DLGAP2: variants seen among roughly 807,000 people sequenced by gnomAD.
DLGAP2 encodes disks large-associated protein 2.
DLGAP2 carries 26 observed loss-of-function variants against 100.3 expected under a neutral mutation model. The observed-to-expected ratio is 0.26, with a 90% CI of 0.19 to 0.36. The LOEUF (loss-of-function observed/expected upper bound fraction) is 0.36, where lower values mean the gene tolerates loss of function less well. DLGAP2 is among the 10% of genes least tolerant of loss of function. The pLI, the probability that DLGAP2 is intolerant of heterozygous loss-of-function variation, is 1.00. For missense variants in DLGAP2, 1,858 were observed against 1,453.2 expected, an observed-to-expected ratio of 1.28 and a Z score of -4.53; for synonymous variants, 886 against 630.1, an observed-to-expected ratio of 1.41 and a Z score of -6.08.
At chr8:1,542,334 A>G (rs1801390663) in intron 4 of DLGAP2, among the ~76,000 whole-genome samples, 1 of 152,240 alleles carries the variant, frequency 6.6e-6, no homozygotes, top group South Asian at 2.1e-4. Context: ...ATGTGCAACC[A>G]TCGCTCTAAT....
At chr8:1,638,567 G>C (rs1585021017) in intron 8 of DLGAP2, among the ~76,000 whole-genome samples, 1 of 152,164 alleles carries the variant, frequency 6.6e-6, no homozygotes, top group Admixed American at 6.5e-5. Context: ...GGAGAAGACA[G>C]CTCCTCAAAT....
intron 3 of DLGAP2, among the ~76,000 whole-genome samples, chr8:1,413,910 A>ATT (rs71190734): frequency 2.0e-5 from 3 of 150,442 alleles, no homozygotes; most frequent in African/African-American, 7.3e-5. Context: ...CTTGTTTATC[A>ATT]TTTTTTTTTT....
chr8:1,697,601 T>TG (rs1799434138), intron 14 of DLGAP2, among the ~76,000 whole-genome samples: 1 of 152,226 alleles, frequency 6.6e-6, no homozygotes, highest in African/African-American at 2.4e-5. Context: ...CAAGCAAACC[T>TG]GCAGCCTCAT....
intron 2 of DLGAP2, among the ~76,000 whole-genome samples, chr8:1,231,491 C>G (rs1798534732): frequency 6.6e-6 from 1 of 152,072 alleles, no homozygotes; most frequent in South Asian, 2.1e-4. Flanking sequence ...GCTATGTATC[C>G]AAAAGAAAAC....
intron 3 of DLGAP2, among the ~76,000 whole-genome samples, chr8:1,308,008 T>G (rs1389100724): frequency 6.6e-6 from 1 of 152,090 alleles, no homozygotes; most frequent in Non-Finnish European, 1.5e-5. Flanking sequence ...AAGATGAGTA[T>G]TTTACCACCG....
At chr8:1,634,368 C>A (rs1797720492) in intron 8 of DLGAP2, among the ~76,000 whole-genome samples, 1 of 152,214 alleles carries the variant, frequency 6.6e-6, no homozygotes, top group Non-Finnish European at 1.5e-5. Flanking sequence ...CCCAGCAGGG[C>A]TTTCTGTACG....
At chr8:1,168,361 T>G (rs919410989) in intron 2 of DLGAP2, among the ~76,000 whole-genome samples, 22 of 152,126 alleles carry the variant, frequency 1.4e-4, no homozygotes, top group African/African-American at 4.6e-4. Flanking sequence ...TGTGTCTTTA[T>G]AGCAGCATGA....
chr8:1,456,399 C>T (rs1430154926), intron 3 of DLGAP2, among the ~76,000 whole-genome samples: 2 of 152,160 alleles, frequency 1.3e-5, no homozygotes, highest in Admixed American at 6.5e-5. Context: ...ATCTAAACAT[C>T]AAAGCATTTT....
At chr8:1,171,753 C>G (rs1039281576) in intron 2 of DLGAP2, among the ~76,000 whole-genome samples, 1 of 151,672 alleles carries the variant, frequency 6.6e-6, no homozygotes, top group Non-Finnish European at 1.5e-5. Context: ...TTCCTCCATC[C>G]TTTTATTTTG....
chr8:1,668,354 A>G lies in DLGAP2; in HGVS notation c.1836A>G (p.Lys612=), dbSNP rs1261907679. ...TAAVSYTNYK[K]TPPPVPPRTT... ...CTGTCTCATATACAAATTACAAGAA[A>G]ACGCCCCCACCGGTGCCCCCTCGGA... Residue 612 remains lysine, a synonymous_variant, in exon 9 of 15, where the codon AAA becomes AAG. Transcript: ENST00000637795. The G allele has an allele frequency of 2.6e-6, 4 of 1,527,560 alleles. No individual in the cohort carries two copies. Among genetic ancestry groups the G allele is most frequent in the Non-Finnish European group, 3.5e-6 (4 of 1,141,160 alleles). The allele number at this position is 1,527,560 out of a possible 1,614,324, so 94.6% of individuals were successfully genotyped here. A position where few individuals can be genotyped will look rare whatever the true frequency, so the allele number is the denominator to read the frequency against.
chr8:1,618,174 C>T (rs1797218966), intron 6 of DLGAP2, among the ~76,000 whole-genome samples: 1 of 152,124 alleles, frequency 6.6e-6, no homozygotes, highest in African/African-American at 2.4e-5. Flanking sequence ...TGTTTAGGTT[C>T]CAGGTTTATT....
chr8:1,318,181 A>G (rs1309732784), intron 3 of DLGAP2, among the ~76,000 whole-genome samples: 2 of 152,096 alleles, frequency 1.3e-5, no homozygotes, highest in African/African-American at 4.8e-5. Flanking sequence ...CGTCTCTCCA[A>G]CAGTCTACAA....
chr8:1,155,467 A>G (rs764101437), intron 2 of DLGAP2, among the ~76,000 whole-genome samples: 10 of 152,156 alleles, frequency 6.6e-5, no homozygotes, highest in South Asian at 4.2e-4. Context: ...CAACCTTAGA[A>G]AATTCACTCT....
At chr8:1,258,132 A>C (rs74818943) in intron 2 of DLGAP2, among the ~76,000 whole-genome samples, 1,776 of 152,272 alleles carry the variant, frequency 0.012, 42 homozygotes, top group African/African-American at 0.04. Flanking sequence ...CTCAATACCC[A>C]TGGATTTTAG....
At chr8:1,508,937 A>G (rs1170019506) in intron 4 of DLGAP2, among the ~76,000 whole-genome samples, 8 of 152,160 alleles carry the variant, frequency 5.3e-5, no homozygotes, top group Non-Finnish European at 1.0e-4. Flanking sequence ...TCTTTAGAGC[A>G]CTGAGTTTTA....
intron 1 of DLGAP2, among the ~76,000 whole-genome samples, chr8:757,066 C>A (rs1406231543): frequency 2.0e-5 from 3 of 152,144 alleles, no homozygotes; most frequent in Non-Finnish European, 4.4e-5. Context: ...CGCCATGGGG[C>A]CTTTGCACAT....
At chr8:1,205,137 C>T (rs1194758296) in intron 2 of DLGAP2, among the ~76,000 whole-genome samples, 1 of 152,136 alleles carries the variant, frequency 6.6e-6, no homozygotes, top group Non-Finnish European at 1.5e-5. Flanking sequence ...ATCTCACGTC[C>T]CTTGTCCTGG....
chr8:1,238,285 A>T (rs1470685138), intron 2 of DLGAP2, among the ~76,000 whole-genome samples: 2 of 28,604 alleles, frequency 7.0e-5, no homozygotes, highest in African/African-American at 2.0e-4. Context: ...TAGTTCTCTC[A>T]CATGTTGCCG....
In DLGAP2 at chr8:1,551,999, A is replaced by T. The variant is rs572125470; in HGVS notation, c.1230+2316A>T. Among the ~76,000 whole-genome samples the T allele has an allele frequency of 6.6e-5, 10 of 151,676 alleles. No individual in the cohort carries two copies. In the East Asian group the frequency reaches 9.7e-4, roughly 15 times the overall value. ...CTCTCTTTCCTCTCTTCCTCCCCCT[A>T]GATTTTTTTTGTTTGGAACCAGCTG... is the stretch of plus-strand genomic sequence containing the variant. On this transcript the variant is annotated intron_variant, in intron 5 of 14. Transcript: ENST00000637795.
Sources: allele counts gnomAD v4.1 joint callset (sites outside exome capture counted in the v4.1 genomes callset), GRCh38; gene constraint gnomAD v4.1.1; transcripts MANE v1.5; gene names NCBI Gene and HGNC (gene_info 2026-07-23, HGNC 2026-07-21).